PDZD8: variants seen among roughly 807,000 people sequenced by gnomAD.
PDZD8 encodes PDZ domain containing 8, also known as PDZ domain-containing protein 8.
In PDZD8, 14 loss-of-function variants were observed where a neutral mutation model predicts 85.8. The observed-to-expected ratio is 0.16, with a 90% CI of 0.11 to 0.26. The LOEUF is 0.26. Among genes scored for constraint, PDZD8 ranks in the 10% least tolerant of loss-of-function variants. The probability of loss-of-function intolerance (pLI) is 1.00; values close to 1 mark genes in which losing one functional copy is unlikely to be tolerated. For missense variants in PDZD8, 1,197 were observed against 1,424.3 expected, an observed-to-expected ratio of 0.84 and a Z score of 2.57; for synonymous variants, 592 against 568.6, an observed-to-expected ratio of 1.04 and a Z score of -0.59.
intron 2 of PDZD8, among the ~76,000 whole-genome samples, chr10:117,334,226 T>C (rs1455401363): frequency 6.6e-6 from 1 of 152,218 alleles, no homozygotes; most frequent in East Asian, 1.9e-4. Flanking sequence ...GCTTCATGCC[T>C]GTAATGTTGG....
chr10:117,362,069 C>T (rs987166112), intron 1 of PDZD8, among the ~76,000 whole-genome samples: 4 of 152,138 alleles, frequency 2.6e-5, no homozygotes, highest in Non-Finnish European at 5.9e-5. Flanking sequence ...AACTGTCCAG[C>T]TTTCTCCTAA....
chr10:117,304,448 TG>T (rs1335233431), intron 3 of PDZD8, among the ~76,000 whole-genome samples: 1 of 152,138 alleles, frequency 6.6e-6, no homozygotes, highest in Non-Finnish European at 1.5e-5. Context: ...CTTTGGACTG[TG>T]GGCTTTTGGG....
chr10:117,359,874 C>T (rs1844965598), intron 1 of PDZD8, among the ~76,000 whole-genome samples: 1 of 152,014 alleles, frequency 6.6e-6, no homozygotes, highest in Non-Finnish European at 1.5e-5. Flanking sequence ...TTATGAAATT[C>T]CTTGAAGTGT....
At chr10:117,329,736 A>G (rs1844382848) in intron 2 of PDZD8, among the ~76,000 whole-genome samples, 1 of 151,958 alleles carries the variant, frequency 6.6e-6, no homozygotes, top group South Asian at 2.1e-4. Flanking sequence ...CCTTGAGGCC[A>G]GGAATTCAAG....
chr10:117,305,574 G>T (rs1843929168), intron 3 of PDZD8, among the ~76,000 whole-genome samples: 1 of 151,254 alleles, frequency 6.6e-6, no homozygotes, highest in Non-Finnish European at 1.5e-5. Flanking sequence ...TACAAGGAAT[G>T]AATCCTAAAT....
intron 3 of PDZD8, among the ~76,000 whole-genome samples, chr10:117,310,192 T>C (rs546158916): frequency 1.3e-5 from 2 of 152,182 alleles, no homozygotes; most frequent in Non-Finnish European, 2.9e-5. Context: ...TGAACTGGCC[T>C]CTCTGCCATC....
Position 117,281,309 on chromosome 10 carries a change from A to C in PDZD8, c.*1959T>G, listed in dbSNP as rs1377002978. Reference sequence around the variant, plus strand: ...GCGGAGCTTGCAGTGAGCCGAGATCATGCCACTGCACTCCAGCCTGGGAGA... The same window carrying C: ...GCGGAGCTTGCAGTGAGCCGAGATCCTGCCACTGCACTCCAGCCTGGGAGA... On this transcript the variant is annotated 3_prime_UTR_variant, in exon 5 of 5. Transcript: ENST00000334464. 1 of 129,788 alleles carries C rather than the reference A, an allele frequency of 7.7e-6. No individual in the cohort carries two copies. Among genetic ancestry groups the C allele is most frequent in the Non-Finnish European group, 1.6e-5 (1 of 63,162 alleles). The allele number at this position is 129,788 out of a possible 1,614,324, so 8.0% of individuals were successfully genotyped here.
chr10:117,367,430 A>G (rs1037474005), intron 1 of PDZD8, among the ~76,000 whole-genome samples: 5 of 151,956 alleles, frequency 3.3e-5, no homozygotes, highest in Admixed American at 2.0e-4. Flanking sequence ...ACAAACAAAC[A>G]AACAAAAATT....
intron 4 of PDZD8, among the ~76,000 whole-genome samples, chr10:117,288,088 A>T (rs1156252242): frequency 3.9e-5 from 6 of 152,178 alleles, no homozygotes; most frequent in African/African-American, 1.4e-4. Flanking sequence ...GGAATACACC[A>T]TTCAAGTCTG....
intron 2 of PDZD8, 127 bp downstream of exon 2, chr10:117,340,853 T>C (rs1054438687): frequency 9.1e-7 from 1 of 1,102,038 alleles, no homozygotes; most frequent in Non-Finnish European, 1.3e-6. Flanking sequence ...TGATATTAAA[T>C]TTACAATTAA....
chr10:117,304,830 G>C (rs1344532443), intron 3 of PDZD8, among the ~76,000 whole-genome samples: 1 of 152,116 alleles, frequency 6.6e-6, no homozygotes. Flanking sequence ...CAGCCATGTG[G>C]AATTGCAAGT....
At chr10:117,289,577 A>G (rs1844721009) in intron 4 of PDZD8, among the ~76,000 whole-genome samples, 1 of 152,210 alleles carries the variant, frequency 6.6e-6, no homozygotes, top group African/African-American at 2.4e-5. Context: ...TGCTATCTTC[A>G]GAGAGTTTTT....
Position 117,284,169 on chromosome 10 carries a change from T to G in PDZD8, c.2564A>C (p.Asp855Ala). The G allele has an allele frequency of 6.2e-7, 1 of 1,614,208 alleles. No individual in the cohort carries two copies. The highest frequency in any genetic ancestry group is 8.5e-7 in the Non-Finnish European group (1 of 1,180,042). The change falls in exon 5 of 5, where the codon GAC (aspartate) becomes GCC (alanine). Residue 855 changes from aspartate (D) to alanine (A), a missense_variant. This residue lies in a region of PDZD8 where 418 missense variants were observed against 571.1 expected (regional missense o/e 0.73). Coordinates refer to ENST00000334464, the MANE Select transcript of PDZD8 (RefSeq NM_173791.5). Reference protein sequence around the residue: ...DTQFQNPTWCDYCKKKVWTKA... With the variant: ...DTQFQNPTWCAYCKKKVWTKA... ...AGTCCAAACTTTTTTCTTACAGTAGTCACACCATGTTGGGTTCTGGAACTG... is the reference window on the plus strand; with the variant it reads ...AGTCCAAACTTTTTTCTTACAGTAGGCACACCATGTTGGGTTCTGGAACTG...
intron 2 of PDZD8, among the ~76,000 whole-genome samples, chr10:117,319,836 T>C (rs1309737558): frequency 6.6e-6 from 1 of 152,112 alleles, no homozygotes; most frequent in Non-Finnish European, 1.5e-5. Flanking sequence ...AGGAGTAAGC[T>C]TGAGAACAGC....
intron 1 of PDZD8, among the ~76,000 whole-genome samples, chr10:117,345,476 A>C (rs1845240718): frequency 6.6e-6 from 1 of 152,164 alleles, no homozygotes; most frequent in Non-Finnish European, 1.5e-5. Context: ...GAGAGTTAAC[A>C]CTAGTGGGGG....
chr10:117,364,730 G>C (rs1412178846), intron 1 of PDZD8, among the ~76,000 whole-genome samples: 2 of 152,100 alleles, frequency 1.3e-5, no homozygotes, highest in Non-Finnish European at 2.9e-5. Flanking sequence ...GTGAGAAGTG[G>C]TGACGAAAGA....
At position 117,375,183 on chromosome 10, in the gene PDZD8, G is replaced by C; in HGVS notation, c.45C>G (p.Ser15=). Residue 15 remains serine, a synonymous_variant, in exon 1 of 5, where the codon TCC becomes TCG. Coordinates refer to ENST00000334464, the MANE Select transcript of PDZD8 (RefSeq NM_173791.5). ...LMILASAVLG[S]FLTLLAQFFL... Reference sequence around the variant, plus strand: ...AGAACTGGGCGAGGAGCGTGAGGAAGGAACCCAGCACGGCCGACGCCAGGA... The same window carrying C: ...AGAACTGGGCGAGGAGCGTGAGGAACGAACCCAGCACGGCCGACGCCAGGA... 14 of 1,576,098 alleles carry C rather than the reference G, an allele frequency of 8.9e-6. No individual in the cohort carries two copies. The highest frequency in any genetic ancestry group is 1.2e-5 in the Non-Finnish European group (14 of 1,167,338).
At chr10:117,312,210 G>A (rs1483623476) in intron 3 of PDZD8, among the ~76,000 whole-genome samples, 1 of 152,236 alleles carries the variant, frequency 6.6e-6, no homozygotes, top group East Asian at 1.9e-4. Flanking sequence ...GTTGGGGGTA[G>A]AGTGCACATG....
At chr10:117,311,132 A>C (rs1844029525) in intron 3 of PDZD8, among the ~76,000 whole-genome samples, 1 of 152,250 alleles carries the variant, frequency 6.6e-6, no homozygotes, top group Non-Finnish European at 1.5e-5. Flanking sequence ...ATTAAACTAT[A>C]CACATAGAGT....
Sources: allele counts gnomAD v4.1 joint callset (sites outside exome capture counted in the v4.1 genomes callset), GRCh38; gene constraint gnomAD v4.1.1; regional missense constraint gnomAD v4.1.1; transcripts MANE v1.5; gene names NCBI Gene and HGNC (gene_info 2026-07-23, HGNC 2026-07-21).